ZHX3: variants seen among roughly 807,000 people sequenced by gnomAD.
ZHX3 encodes zinc fingers and homeoboxes protein 3.
ZHX3 carries 20 observed loss-of-function variants against 64.5 expected under a neutral mutation model. The ratio of observed to expected loss-of-function variants is 0.31; its 90% CI spans 0.22 to 0.45. The LOEUF is 0.45. Ranked by LOEUF, ZHX3 falls within the 20% of genes least tolerant of loss-of-function variation. ZHX3 has a pLI of 1.00. For missense variants in ZHX3, 1,041 were observed against 1,195.8 expected, an observed-to-expected ratio of 0.87 and a Z score of 1.91; for synonymous variants, 423 against 461.6, an observed-to-expected ratio of 0.92 and a Z score of 1.07.
chr20:41,194,317 T>C (rs2037300700), intron 3 of ZHX3, among the ~76,000 whole-genome samples: 1 of 152,174 alleles, frequency 6.6e-6, no homozygotes, highest in South Asian at 2.1e-4. Context: ...AGATGCTCTT[T>C]CTGCTTGAAT....
intron 1 of ZHX3, among the ~76,000 whole-genome samples, chr20:41,316,264 T>G (rs2045285134): frequency 6.6e-6 from 1 of 152,244 alleles, no homozygotes; most frequent in Non-Finnish European, 1.5e-5. Flanking sequence ...TCATTCATTT[T>G]CTATGTGTCT....
intron 2 of ZHX3, among the ~76,000 whole-genome samples, chr20:41,261,187 A>C (rs76199335): frequency 0.069 from 10,545 of 152,210 alleles, 399 homozygotes; most frequent in Middle Eastern, 0.17. Flanking sequence ...GAGAAAAAAA[A>C]CTCCAAGTAA....
chr20:41,288,097 G>C (rs571262040), intron 1 of ZHX3, among the ~76,000 whole-genome samples: 1 of 152,256 alleles, frequency 6.6e-6, no homozygotes, highest in Non-Finnish European at 1.5e-5. Flanking sequence ...CACAATCTCA[G>C]CTCACTGCAA....
chr20:41,285,492 G>T (rs1316641764), intron 1 of ZHX3, among the ~76,000 whole-genome samples: 2 of 152,276 alleles, frequency 1.3e-5, no homozygotes, highest in East Asian at 3.9e-4. Flanking sequence ...TAAAATGAGG[G>T]AGCTGAACTA....
At chr20:41,257,422 C>G (rs2042315765) in intron 2 of ZHX3, among the ~76,000 whole-genome samples, 2 of 152,076 alleles carry the variant, frequency 1.3e-5, no homozygotes, top group Admixed American at 6.6e-5. Context: ...GGAAAATGAG[C>G]CTATAGGCAG....
chr20:41,198,861 A>G (rs192671873), intron 3 of ZHX3, among the ~76,000 whole-genome samples: 25 of 152,288 alleles, frequency 1.6e-4, no homozygotes, highest in African/African-American at 3.6e-4. Flanking sequence ...ATATGAATAT[A>G]TGAGTACATT....
At position 41,232,230 on chromosome 20, in the gene ZHX3, A is replaced by AC. The variant is rs778003790; in HGVS notation, c.-150-27165dup. On this transcript the variant is annotated intron_variant, in intron 2 of 3. Transcript: ENST00000683867. This position sits in a 1 kb window ranked among gnomAD's most constrained non-coding sequence, Gnocchi z 5.0. ...CATTGTTATTACACAGAGAATGATG[A>AC]CCAGATGGTCTCCATTTTCACCAGA... Among the ~76,000 whole-genome samples the AC allele has an allele frequency of 3.9e-5, 6 of 152,296 alleles. No individual in the cohort carries two copies.
At chr20:41,312,059 G>A (rs1319828020) in intron 1 of ZHX3, among the ~76,000 whole-genome samples, 5 of 152,190 alleles carry the variant, frequency 3.3e-5, no homozygotes, top group South Asian at 2.1e-4. Context: ...AAGTGCTATT[G>A]AGGGGGTAAA....
intron 2 of ZHX3, among the ~76,000 whole-genome samples, chr20:41,218,247 C>T (rs1037238262): frequency 6.6e-6 from 1 of 152,058 alleles, no homozygotes; most frequent in African/African-American, 2.4e-5. Flanking sequence ...AGTTTGAGAA[C>T]AGCCTGGGCA....
chr20:41,301,665 C>G (rs13045210), intron 1 of ZHX3, among the ~76,000 whole-genome samples: 2 of 152,160 alleles, frequency 1.3e-5, no homozygotes, highest in Non-Finnish European at 2.9e-5. Flanking sequence ...TCACCCTTCT[C>G]AGAGCTCCCT....
chr20:41,301,394 C>T (rs1454319164), intron 1 of ZHX3, among the ~76,000 whole-genome samples: 2 of 152,114 alleles, frequency 1.3e-5, no homozygotes, highest in African/African-American at 2.4e-5. Flanking sequence ...AATCTTAATG[C>T]CTTGCTATGC....
chr20:41,274,450 G>A (rs2043289688), intron 1 of ZHX3, among the ~76,000 whole-genome samples: 1 of 152,204 alleles, frequency 6.6e-6, no homozygotes, highest in Admixed American at 6.5e-5. Flanking sequence ...AGTATCAACT[G>A]TAGTTGGACA....
In ZHX3 at chr20:41,212,113, A is replaced by G. The variant is rs2039199712; in HGVS notation, c.-150-7047T>C. Among the ~76,000 whole-genome samples, 2 of 152,234 alleles carry G rather than the reference A, an allele frequency of 1.3e-5. No homozygotes were observed. ...CATCAAGAAAGTGAAAAGATAGACA[A>G]TCCACAGAAAGAAAAGGTTTGCAAA... On this transcript the variant is annotated intron_variant, in intron 2 of 3. Transcript: ENST00000683867. The surrounding 1 kb of genome is among the most constrained non-coding windows in gnomAD (Gnocchi z 4.3).
chr20:41,202,865 CTCT>C lies in ZHX3; in HGVS notation c.2049_2051del (p.Glu685del). The C allele has an allele frequency of 1.2e-6, 2 of 1,614,206 alleles. No homozygotes were observed. Among genetic ancestry groups the C allele is most frequent in the Non-Finnish European group, 1.7e-6 (2 of 1,180,040 alleles). On this transcript the variant is annotated inframe_deletion, in exon 3 of 4. Transcript: ENST00000683867. The surrounding 1 kb of genome is among the most constrained non-coding windows in gnomAD (Gnocchi z 7.0). The stretch of plus-strand genomic sequence containing the variant: ...CTCCACCCTCATCCTCAGCAGCCTC[CTCT>C]TCCTCCTGAGAGGCATTCTCCTCAG...
intron 2 of ZHX3, among the ~76,000 whole-genome samples, chr20:41,237,506 C>T (rs1423110420): frequency 1.3e-5 from 2 of 152,122 alleles, no homozygotes; most frequent in Admixed American, 6.5e-5. Flanking sequence ...AGCAAACTAT[C>T]GCAAGGACAA....
chr20:41,296,868 T>C (rs562802870), intron 1 of ZHX3, among the ~76,000 whole-genome samples: 1 of 152,364 alleles, frequency 6.6e-6, no homozygotes, highest in South Asian at 2.1e-4. Flanking sequence ...CAAGGTAGCC[T>C]CTTGACACTT....
intron 2 of ZHX3, among the ~76,000 whole-genome samples, chr20:41,263,088 G>A (rs1217116005): frequency 6.6e-6 from 1 of 151,896 alleles, no homozygotes; most frequent in Non-Finnish European, 1.5e-5. Flanking sequence ...CAAAAACAAA[G>A]AAACATACAA....
At chr20:41,289,699 T>C (rs2044128531) in intron 1 of ZHX3, among the ~76,000 whole-genome samples, 1 of 145,332 alleles carries the variant, frequency 6.9e-6, no homozygotes, top group South Asian at 2.2e-4. Context: ...GACTGTCACT[T>C]TTTTTTTTTT....
At position 41,202,220 on chromosome 20, in the gene ZHX3, A is replaced by G. The variant is rs767282842; in HGVS notation, c.2697T>C (p.Ser899=). 2 of 1,614,018 alleles carry G rather than the reference A, an allele frequency of 1.2e-6. No homozygotes were observed. Among genetic ancestry groups the G allele is most frequent in the Non-Finnish European group, 8.5e-7 (1 of 1,179,994 alleles). Reference sequence around the variant, plus strand: ...CACCAGTACCAGGGCCCTGGTCCTCACTGCCTGTGTCTGCCACGGCTCTGG... The same window carrying G: ...CACCAGTACCAGGGCCCTGGTCCTCGCTGCCTGTGTCTGCCACGGCTCTGG... ...EETRAVADTG[S]EDQGPGTGEL... The change falls in exon 3 of 4, where the codon AGT becomes AGC. Residue 899 remains serine, a synonymous_variant. Transcript: ENST00000683867. This position sits in a 1 kb window ranked among gnomAD's most constrained non-coding sequence, Gnocchi z 7.0.
Sources: gnomAD v4.1 joint callset for allele counts (sites outside exome capture counted in the v4.1 genomes callset) on GRCh38, gnomAD v4.1.1 for gene constraint, Gnocchi (gnomAD v3.1) non-coding constraint, MANE v1.5 for transcripts, NCBI Gene and HGNC (gene_info 2026-07-23, HGNC 2026-07-21) for gene names.